The following EP300 variants were observed in gnomAD, a reference collection of about 807,000 sequenced individuals.
EP300 encodes the protein EP300 lysine acetyltransferase, also known as histone acetyltransferase p300.
Under a neutral mutation model 264.0 loss-of-function variants are expected in EP300, and 31 were observed. That is an observed-to-expected ratio of 0.12 (90% CI 0.09 to 0.16). The LOEUF (loss-of-function observed/expected upper bound fraction) is 0.16, where lower values mean the gene tolerates loss of function less well. EP300 is among the 10% of genes least tolerant of loss of function. EP300 has a pLI of 1.00. For missense variants in EP300, 2,766 were observed against 3,052.9 expected, an observed-to-expected ratio of 0.91 and a Z score of 2.21; for synonymous variants, 1,340 against 1,045.4, an observed-to-expected ratio of 1.28 and a Z score of -5.44.
At chr22:41,144,311 A>C (rs1174391034) in intron 10 of EP300, among the ~76,000 whole-genome samples, 2 of 152,170 alleles carry the variant, frequency 1.3e-5, no homozygotes, top group Non-Finnish European at 2.9e-5. Flanking sequence ...GAAATGTGAA[A>C]GATGGACATT....
intron 26 of EP300, 87 bp downstream of exon 26, chr22:41,169,703 T>C: frequency 1.2e-6 from 1 of 802,374 alleles, no homozygotes; most frequent in Non-Finnish European, 2.1e-6. Context: ...TATATAACTC[T>C]TGGCCTTTTT....
At chr22:41,103,586 T>C (rs1380637588) in intron 1 of EP300, among the ~76,000 whole-genome samples, 2 of 152,222 alleles carry the variant, frequency 1.3e-5, no homozygotes, top group African/African-American at 2.4e-5. Context: ...GAAATTAACA[T>C]ACCTTAGAAG....
rs2059089824 is a variant in EP300 at position 41,158,511 on chromosome 22, C to T, written c.3590+11C>T. On this transcript the variant is annotated intron_variant, in intron 19 of 30. Transcript: ENST00000263253. ...CAGTTACCAGAACAGGTAAGCTTGG[C>T]CAGGTGTGGACCATGGTCCATGTGT... is the stretch of plus-strand genomic sequence containing the variant. The T allele has an allele frequency of 1.9e-6, 3 of 1,612,064 alleles. No homozygotes were observed.
chr22:41,179,888 A>T lies in EP300; in HGVS notation c.*932A>T, dbSNP rs886057585. 7.7e-5 allele frequency: 5 copies of T among 65,210 alleles called. 1 individual carries two copies. The highest frequency in any genetic ancestry group is 1.4e-4 in the African/African-American group (2 of 14,328). 4.0% of individuals were successfully genotyped at this position (65,210 alleles called of 1,614,324 possible). Reference sequence around the variant, plus strand: ...CTTACCCTACCCCCCACTCACACACACACACACACACACACACACACACAC... The same window carrying T: ...CTTACCCTACCCCCCACTCACACACTCACACACACACACACACACACACAC... On this transcript the variant is annotated 3_prime_UTR_variant, in exon 31 of 31. Coordinates refer to ENST00000263253, the MANE Select transcript of EP300 (RefSeq NM_001429.4).
intron 29 of EP300, among the ~76,000 whole-genome samples, chr22:41,175,370 C>A (rs2059194502): frequency 6.6e-6 from 1 of 152,162 alleles, no homozygotes; most frequent in African/African-American, 2.4e-5. Context: ...GGATGTTTTA[C>A]ATTTTATTAC....
rs79187507 is a variant in EP300 at position 41,144,980 on chromosome 22, T to G, written c.2054-1759T>G. ...GTCTATAGCTGCACTCATGGCTGAC[T>G]CTAGAAGAGCTGTGTTTTCTCTCCA... On this transcript the variant is annotated intron_variant, in intron 10 of 30. Coordinates refer to ENST00000263253, the MANE Select transcript of EP300 (RefSeq NM_001429.4). Among the ~76,000 whole-genome samples the G allele has an allele frequency of 8.7e-3, 1,319 of 152,336 alleles. 10 individuals are homozygous for G. Among genetic ancestry groups the G allele is most frequent in the Non-Finnish European group, 0.014 (957 of 68,026 alleles).
At chr22:41,148,691 C>T (rs2059026014) in intron 12 of EP300, 1 of 355,288 alleles carries the variant, frequency 2.8e-6, no homozygotes, top group Non-Finnish European at 5.3e-6. Flanking sequence ...GACATGACCT[C>T]ATGAAATTGT....
chr22:41,103,362 G>A (rs2058742019), intron 1 of EP300, among the ~76,000 whole-genome samples: 1 of 152,176 alleles, frequency 6.6e-6, no homozygotes, highest in Admixed American at 6.6e-5. Flanking sequence ...TATTTGCAAT[G>A]TAAAGACAAA....
intron 19 of EP300, chr22:41,159,578 T>C (rs2059096677): frequency 6.6e-6 from 1 of 152,254 alleles, no homozygotes; most frequent in Admixed American, 6.5e-5. Flanking sequence ...AAGCCATCTT[T>C]AATCAGGTAC....
chr22:41,168,211 C>T, intron 23 of EP300: 5 of 532,898 alleles, frequency 9.4e-6, no homozygotes, highest in Non-Finnish European at 1.7e-5. Flanking sequence ...TTATTGAGTA[C>T]TGTGTCTGCT....
intron 16 of EP300, among the ~76,000 whole-genome samples, chr22:41,154,170 A>G (rs1459894376): frequency 1.3e-5 from 2 of 152,136 alleles, no homozygotes; most frequent in African/African-American, 4.8e-5. Context: ...TGTCATTAAA[A>G]TAGTACATGT....
chr22:41,148,149 T>C (rs1392869807), intron 12 of EP300, among the ~76,000 whole-genome samples: 1 of 152,196 alleles, frequency 6.6e-6, no homozygotes, highest in Non-Finnish European at 1.5e-5. Context: ...TGTCAGTGTT[T>C]AGTGGCCTGC....
At chr22:41,162,880 G>T in intron 21 of EP300, 101 bp downstream of exon 21, 1 of 999,084 alleles carries the variant, frequency 1.0e-6, no homozygotes, top group Non-Finnish European at 1.6e-6. Context: ...CTATATTCTT[G>T]GGCTAAATCT....
At chr22:41,170,096 T>C (rs1221368742) in intron 26 of EP300, among the ~76,000 whole-genome samples, 1 of 152,254 alleles carries the variant, frequency 6.6e-6, no homozygotes, top group African/African-American at 2.4e-5. Context: ...AGTGTAATCT[T>C]CATTTGGTCT....
At position 41,178,947 on chromosome 22, in the gene EP300, C is replaced by T. The variant is rs149981675; in HGVS notation, c.7236C>T (p.Asp2412=). Residue 2412 remains aspartate (D), a synonymous_variant, in exon 31 of 31, where the codon GAC becomes GAT. Transcript: ENST00000263253. The part of the protein sequence containing the change: ...LNSNLSQSTL[D]IH ...CAAACCTCTCACAGAGTACACTAGA[C>T]ATACACTAGAGACACCTTGTAGTAT... 1 of 1,612,796 alleles carries T rather than the reference C, an allele frequency of 6.2e-7. No homozygotes were observed. The highest frequency in any genetic ancestry group is 8.5e-7 in the Non-Finnish European group (1 of 1,179,696).
chr22:41,108,127 T>C (rs1253294227), intron 1 of EP300: 1 of 152,202 alleles, frequency 6.6e-6, no homozygotes, highest in African/African-American at 2.4e-5. Context: ...ATGTTTTGAC[T>C]CAACACTAGT....
chr22:41,143,671 A>G (rs1245289670), intron 10 of EP300, among the ~76,000 whole-genome samples: 1 of 151,922 alleles, frequency 6.6e-6, no homozygotes, highest in Non-Finnish European at 1.5e-5. Context: ...TGCCTCCCAG[A>G]TTCAGTTGAT....
intron 8 of EP300, among the ~76,000 whole-genome samples, chr22:41,139,833 T>C (rs111618779): frequency 1.3e-5 from 2 of 152,224 alleles, no homozygotes; most frequent in Non-Finnish European, 2.9e-5. Context: ...TGAAGGCTAC[T>C]TGATACTATG....
chr22:41,165,659 G>T (rs1257323899), intron 22 of EP300, among the ~76,000 whole-genome samples: 2 of 152,122 alleles, frequency 1.3e-5, no homozygotes, highest in Non-Finnish European at 2.9e-5. Context: ...CCGACCTCAG[G>T]TGATCCACCC....
Sources: allele counts gnomAD v4.1 joint callset (sites outside exome capture counted in the v4.1 genomes callset), GRCh38; gene constraint gnomAD v4.1.1; transcripts MANE v1.5; gene names NCBI Gene and HGNC (gene_info 2026-07-23, HGNC 2026-07-21).